The following CTNNA3 variants were observed in gnomAD, a reference collection of about 807,000 sequenced individuals.
The protein encoded by CTNNA3 is catenin alpha 3, also known as catenin alpha-3.
In CTNNA3, 76 loss-of-function variants were observed where a neutral mutation model predicts 95.7. The observed-to-expected ratio is 0.79, with a 90% CI of 0.66 to 0.96. The LOEUF is 0.96. Ranked by LOEUF, CTNNA3 falls within the 40% of genes least tolerant of loss-of-function variation. The pLI, the probability that CTNNA3 is intolerant of heterozygous loss-of-function variation, is 0.00. For missense variants in CTNNA3, 1,191 were observed against 1,089.8 expected (o/e 1.09, Z -1.31); for synonymous variants, 431 against 374.4 (o/e 1.15, Z -1.74).
chr10:66,996,462 A>G (rs1216465486), intron 7 of CTNNA3, among the ~76,000 whole-genome samples: 2 of 151,950 alleles, frequency 1.3e-5, no homozygotes, highest in Non-Finnish European at 2.9e-5. Context: ...GCTGGGCAAT[A>G]TGGTGAAACC....
At chr10:66,315,836 C>T (rs115722945) in intron 12 of CTNNA3, among the ~76,000 whole-genome samples, 2,705 of 152,096 alleles carry the variant, frequency 0.018, 88 homozygotes, top group African/African-American at 0.063. Context: ...CATGATAAAA[C>T]TCTAAAACAT....
At chr10:66,420,522 C>T (rs12256773) in intron 11 of CTNNA3, among the ~76,000 whole-genome samples, 17,806 of 146,032 alleles carry the variant, frequency 0.12, 1,521 homozygotes, top group African/African-American at 0.25. Flanking sequence ...ATATGGAGGC[C>T]GGGCACAGTG....
At chr10:67,298,173 T>C (rs1184865472) in intron 5 of CTNNA3, among the ~76,000 whole-genome samples, 1 of 152,210 alleles carries the variant, frequency 6.6e-6, no homozygotes, top group Admixed American at 6.5e-5. Context: ...ATCTTATAGA[T>C]AGGCTGTAAT....
chr10:66,411,177 G>A (rs926324415), intron 11 of CTNNA3, among the ~76,000 whole-genome samples: 2 of 152,156 alleles, frequency 1.3e-5, no homozygotes, highest in Non-Finnish European at 1.5e-5. Flanking sequence ...AGTAGGCCTT[G>A]AGTAAATAAT....
chr10:67,066,342 GCCA>G lies in CTNNA3; in HGVS notation c.1047+113972_1047+113974del, dbSNP rs749795320. 3.3e-5 allele frequency among the ~76,000 whole-genome samples: 5 copies of G among 151,848 alleles called. No individual in the cohort carries two copies. In the South Asian group the frequency reaches 6.2e-4, roughly 19 times the overall value. ...CAAGTAACTGGGACTACAGGTGTGC[GCCA>G]CCACATCAAGCTAATTTTTGTAATT... On this transcript the variant is annotated intron_variant, in intron 7 of 17. Transcript: ENST00000433211.
At chr10:65,964,644 A>T (rs1341860840) in intron 17 of CTNNA3, among the ~76,000 whole-genome samples, 1 of 152,214 alleles carries the variant, frequency 6.6e-6, no homozygotes, top group Admixed American at 6.5e-5. Flanking sequence ...TTAGCGTCAT[A>T]CAACATGAAA....
intron 12 of CTNNA3, among the ~76,000 whole-genome samples, chr10:66,307,074 T>C (rs1470879383): frequency 3.3e-5 from 5 of 152,198 alleles, no homozygotes; most frequent in Non-Finnish European, 7.3e-5. Context: ...CTGAATTAGA[T>C]ACTGTTAATA....
rs1178659681 is a variant in CTNNA3 at position 67,034,577 on chromosome 10, C to T, written c.1047+145740G>A. On this transcript the variant is annotated intron_variant, in intron 7 of 17. Transcript: ENST00000433211. ...ATTTATATTATCCTTTCCACTCCTT[C>T]AATGCCATCATCCAAATTCAGGTCT... Among the ~76,000 whole-genome samples the T allele has an allele frequency of 3.9e-5, 6 of 152,188 alleles. No homozygotes were observed. The South Asian group carries it at 8.3e-4, about 21-fold the overall frequency.
intron 5 of CTNNA3, among the ~76,000 whole-genome samples, chr10:67,487,964 C>T (rs903266418): frequency 2.0e-5 from 3 of 152,168 alleles, no homozygotes; most frequent in Non-Finnish European, 4.4e-5. Context: ...CTCTAGAAAC[C>T]TTAAGCTTAG....
intron 14 of CTNNA3, among the ~76,000 whole-genome samples, chr10:66,076,807 T>C (rs2080571605): frequency 6.6e-6 from 1 of 151,766 alleles, no homozygotes; most frequent in Admixed American, 6.6e-5. Flanking sequence ...AATTATGCCA[T>C]TTAAATAATA....
chr10:67,747,090 A>C (rs1841378464), intron 1 of CTNNA3, among the ~76,000 whole-genome samples: 1 of 152,214 alleles, frequency 6.6e-6, no homozygotes, highest in African/African-American at 2.4e-5. Context: ...CAGGAACTTC[A>C]GCAACTCTAG....
chr10:66,009,902 C>T (rs1422487352), intron 15 of CTNNA3, among the ~76,000 whole-genome samples: 3 of 152,238 alleles, frequency 2.0e-5, no homozygotes, highest in African/African-American at 4.8e-5. Context: ...ATATACGTGT[C>T]GAGAGATGAA....
intron 2 of CTNNA3, among the ~76,000 whole-genome samples, chr10:67,609,090 CAAAA>C (rs397977100): frequency 2.5e-5 from 2 of 79,686 alleles, no homozygotes; most frequent in Admixed American, 1.4e-4. Flanking sequence ...AACTCTATCT[CAAAA>C]AAAAAAAAAA....
At chr10:67,148,174 G>C (rs1860928560) in intron 7 of CTNNA3, among the ~76,000 whole-genome samples, 1 of 152,138 alleles carries the variant, frequency 6.6e-6, no homozygotes, top group African/African-American at 2.4e-5. Context: ...ATTGGATTTA[G>C]GACATACATA....
chr10:66,096,289 C>A (rs1033533998), intron 14 of CTNNA3, among the ~76,000 whole-genome samples: 5 of 151,976 alleles, frequency 3.3e-5, no homozygotes, highest in African/African-American at 1.2e-4. Context: ...AGTATTTAGA[C>A]CTTATTGGAT....
At chr10:67,710,408 A>G (rs554406259) in intron 1 of CTNNA3, among the ~76,000 whole-genome samples, 1 of 152,298 alleles carries the variant, frequency 6.6e-6, no homozygotes, top group South Asian at 2.1e-4. Flanking sequence ...GGATATCCCC[A>G]TTGTTACTTA....
In CTNNA3 at chr10:66,706,467, A is replaced by G. The variant is rs144367052; in HGVS notation, c.1281+59797T>C. ...ATGAACATTTTCTGTCTCCAAAGAC[A>G]GCAATTTCTCTCATTTCTGAGCATA... On this transcript the variant is annotated intron_variant, in intron 9 of 17. Transcript: ENST00000433211. 3.5e-3 allele frequency among the ~76,000 whole-genome samples: 532 copies of G among 151,770 alleles called. 9 individuals carry two copies. Among genetic ancestry groups the G allele is most frequent in the Non-Finnish European group, 3.3e-3 (223 of 67,910 alleles).
At chr10:67,013,624 T>G (rs1199911156) in intron 7 of CTNNA3, among the ~76,000 whole-genome samples, 1 of 152,154 alleles carries the variant, frequency 6.6e-6, no homozygotes, top group Non-Finnish European at 1.5e-5. Flanking sequence ...TTCCTTTTCT[T>G]GATACAAAAG....
intron 12 of CTNNA3, among the ~76,000 whole-genome samples, chr10:66,353,663 C>T (rs971589318): frequency 9.9e-5 from 15 of 151,910 alleles, no homozygotes; most frequent in Admixed American, 8.5e-4. Flanking sequence ...AGGGGAGCAA[C>T]CAAGCAAAAG....
Sources: allele counts gnomAD v4.1 joint callset (sites outside exome capture counted in the v4.1 genomes callset), GRCh38; gene constraint gnomAD v4.1.1; transcripts MANE v1.5; gene names NCBI Gene and HGNC (gene_info 2026-07-23, HGNC 2026-07-21).